The following TGM6 variants were observed in gnomAD, a reference collection of about 807,000 sequenced individuals.
The protein encoded by TGM6 is protein-glutamine gamma-glutamyltransferase 6.
Under a neutral mutation model 77.5 loss-of-function variants are expected in TGM6, and 74 were observed. That is an observed-to-expected ratio of 0.96 (90% confidence interval 0.79 to 1.16). The LOEUF (loss-of-function observed/expected upper bound fraction) is 1.16, where lower values mean the gene tolerates loss of function less well. Ranked by LOEUF, TGM6 falls within the 50% of genes most tolerant of loss-of-function variation. The pLI is 0.00. For missense variants in TGM6, 968 were observed against 940.2 expected, an observed-to-expected ratio of 1.03 and a Z score of -0.39; for synonymous variants, 383 against 378.9, an observed-to-expected ratio of 1.01 and a Z score of -0.12.
chr20:2,417,796 A>G (rs970856562), intron 10 of TGM6, among the ~76,000 whole-genome samples: 2 of 152,208 alleles, frequency 1.3e-5, no homozygotes, highest in African/African-American at 4.8e-5. Context: ...GTCCACATGC[A>G]TCTGGTGGCA....
chr20:2,394,720 C>G, intron 2 of TGM6, 95 bp downstream of exon 2: 1 of 1,380,260 alleles, frequency 7.2e-7, no homozygotes, highest in East Asian at 2.5e-5. Context: ...GCAGCTCAGG[C>G]TCTGGGGGAA....
intron 7 of TGM6, among the ~76,000 whole-genome samples, chr20:2,402,544 G>T (rs1047416332): frequency 6.6e-6 from 1 of 152,104 alleles, no homozygotes; most frequent in African/African-American, 2.4e-5. Context: ...AGGTTATCAG[G>T]GTCCCACCTT....
chr20:2,417,485 C>T lies in TGM6; in HGVS notation c.1590C>T (p.Asn530=), dbSNP rs758306695. The T allele has an allele frequency of 1.2e-6, 2 of 1,609,472 alleles. No individual in the cohort carries two copies. Among genetic ancestry groups the T allele is most frequent in the South Asian group, 1.1e-5 (1 of 91,002 alleles). The change falls in exon 10 of 13, where the codon AAC becomes AAT. Residue 530 remains asparagine, a synonymous_variant. Transcript: ENST00000202625. ...CCCGGGCCCAGCGGGTGAGGGTCAA[C>T]CTGAGCGGTGCCACCATCCTCTATA... ...LTSRAQRVRV[N]LSGATILYTR... is the part of the protein sequence containing the mutation.
rs1599949884 is a variant in TGM6 at position 2,397,974 on chromosome 20, C to T, written c.600C>T (p.His200=). ...CCATCCTGGATCGAAGCCCCGGTCA[C>T]CAAAACAACCCAGCCACCGACGTGT... ...CLSILDRSPG[H]QNNPATDVSC... is the part of the protein sequence containing the mutation. The change falls in exon 5 of 13, where the codon CAC becomes CAT. Residue 200 remains histidine (H), a synonymous_variant. Coordinates refer to ENST00000202625, the MANE Select transcript of TGM6 (RefSeq NM_198994.3). 6.2e-7 allele frequency: 1 copy of T among 1,614,096 alleles called. No homozygotes were observed.
At chr20:2,418,100 C>T (rs532363259) in intron 10 of TGM6, among the ~76,000 whole-genome samples, 1 of 152,036 alleles carries the variant, frequency 6.6e-6, no homozygotes, top group Admixed American at 6.6e-5. Flanking sequence ...GCAACCTCCA[C>T]CTCCCGGGTT....
chr20:2,414,005 A>G (rs193007942), intron 9 of TGM6, among the ~76,000 whole-genome samples: 10 of 152,224 alleles, frequency 6.6e-5, no homozygotes, highest in Admixed American at 5.9e-4. Context: ...TGGATAAAGC[A>G]CTCTCATCTG....
intron 1 of TGM6, among the ~76,000 whole-genome samples, chr20:2,393,481 T>C (rs1427675395): frequency 2.0e-5 from 3 of 152,226 alleles, no homozygotes; most frequent in South Asian, 2.1e-4. Flanking sequence ...GCATGAACTA[T>C]AGCGCTGCTG....
At chr20:2,387,196 G>A (rs185126367) in intron 1 of TGM6, among the ~76,000 whole-genome samples, 3 of 152,306 alleles carry the variant, frequency 2.0e-5, no homozygotes, top group Admixed American at 6.5e-5. Context: ...ACCTGGTTGC[G>A]GGAGAGGGTC....
At chr20:2,393,879 C>T (rs2084644476) in intron 1 of TGM6, among the ~76,000 whole-genome samples, 1 of 152,104 alleles carries the variant, frequency 6.6e-6, no homozygotes, top group Admixed American at 6.6e-5. Flanking sequence ...ATATACTGAT[C>T]AACTGATGAA....
At chr20:2,418,919 A>G (rs1436194648) in intron 10 of TGM6, among the ~76,000 whole-genome samples, 1 of 152,136 alleles carries the variant, frequency 6.6e-6, no homozygotes, top group Non-Finnish European at 1.5e-5. Flanking sequence ...TACTAAAAAT[A>G]CAAGAAAATT....
intron 9 of TGM6, among the ~76,000 whole-genome samples, chr20:2,409,063 A>T (rs1025571725): frequency 6.6e-6 from 1 of 152,194 alleles, no homozygotes; most frequent in Admixed American, 6.5e-5. Flanking sequence ...ATTATCCAGA[A>T]TTGACCATAT....
At chr20:2,410,840 T>A (rs2084780416) in intron 9 of TGM6, among the ~76,000 whole-genome samples, 1 of 152,160 alleles carries the variant, frequency 6.6e-6, no homozygotes, top group African/African-American at 2.4e-5. Context: ...TGACAACATA[T>A]TAGATAACTT....
intron 9 of TGM6, among the ~76,000 whole-genome samples, chr20:2,409,249 G>T (rs1286637371): frequency 1.3e-5 from 2 of 152,144 alleles, no homozygotes; most frequent in Non-Finnish European, 2.9e-5. Context: ...CCAAAGGAAA[G>T]ATCACAAGTC....
chr20:2,424,696 C>G (rs1267317588), intron 10 of TGM6, among the ~76,000 whole-genome samples: 1 of 152,192 alleles, frequency 6.6e-6, no homozygotes, highest in Admixed American at 6.5e-5. Context: ...CCTTTGCATT[C>G]AAAACCTTGC....
Position 2,432,736 on chromosome 20 carries a change from T to A in TGM6, c.*93T>A. ...CCACATGGGAGCCAGGAGGCCTCAG[T>A]TAATCCTGCCTCAACCTCTGCCCTA... On this transcript the variant is annotated 3_prime_UTR_variant, in exon 13 of 13. Transcript: ENST00000202625. 6.4e-7 allele frequency: 1 copy of A among 1,574,300 alleles called. No homozygotes were observed. The highest frequency in any genetic ancestry group is 2.2e-5 in the East Asian group (1 of 44,612).
intron 1 of TGM6, 122 bp from the exon 2 acceptor site, chr20:2,394,330 G>A (rs1245685405): frequency 2.2e-5 from 25 of 1,130,614 alleles, no homozygotes; most frequent in Middle Eastern, 5.7e-4. Flanking sequence ...GAGAATCGCC[G>A]GTATATGATA....
Position 2,380,902 on chromosome 20 carries a change from C to G in TGM6, c.-67C>G. 1 of 1,584,598 alleles carries G rather than the reference C, an allele frequency of 6.3e-7. No individual in the cohort carries two copies. The highest frequency in any genetic ancestry group is 8.6e-7 in the Non-Finnish European group (1 of 1,166,120). ...ATTGGTCTGGCTGGCTGCTGTGACGCGCCACACTGTCCTGACGGTGCACAC... is the reference window on the plus strand; with the variant it reads ...ATTGGTCTGGCTGGCTGCTGTGACGGGCCACACTGTCCTGACGGTGCACAC... On this transcript the variant is annotated 5_prime_UTR_variant, in exon 1 of 13. Coordinates refer to ENST00000202625, the MANE Select transcript of TGM6 (RefSeq NM_198994.3).
intron 6 of TGM6, 52 bp from the exon 7 acceptor site, chr20:2,400,254 C>T (rs1398959982): frequency 2.5e-6 from 4 of 1,611,660 alleles, no homozygotes; most frequent in African/African-American, 1.3e-5. Context: ...GAAGCCAGGC[C>T]CCTCTCTCAG....
At chr20:2,431,237 GTCAT>G (rs757486108) in intron 12 of TGM6, among the ~76,000 whole-genome samples, 1 of 95,718 alleles carries the variant, frequency 1.0e-5, no homozygotes, top group Non-Finnish European at 2.1e-5. Flanking sequence ...CATTCACTCA[GTCAT>G]TCACTCATAT....
Sources: gnomAD v4.1 joint callset for allele counts (sites outside exome capture counted in the v4.1 genomes callset) on GRCh38, gnomAD v4.1.1 for gene constraint, MANE v1.5 for transcripts, NCBI Gene and HGNC (gene_info 2026-07-23, HGNC 2026-07-21) for gene names.